The following MEGF11 variants were observed in gnomAD, a reference collection of about 807,000 sequenced individuals.
The protein encoded by MEGF11 is multiple epidermal growth factor-like domains protein 11.
In MEGF11, 126 loss-of-function variants were observed where a neutral mutation model predicts 146.6. The ratio of observed to expected loss-of-function variants is 0.86; its 90% CI spans 0.74 to 1.00. The LOEUF (loss-of-function observed/expected upper bound fraction) is 1.00. MEGF11 is among the 50% of genes least tolerant of loss of function. MEGF11 has a pLI of 0.00. For synonymous variants in MEGF11, 532 were observed against 583.4 expected, an observed-to-expected ratio of 0.91 and a Z score of 1.27; for missense variants, 1,509 against 1,521.2, an observed-to-expected ratio of 0.99 and a Z score of 0.13.
At position 65,919,526 on chromosome 15, in the gene MEGF11, AAC is replaced by A. The variant is rs891379275; in HGVS notation, c.1958-1434_1958-1433del. Reference sequence around the variant, plus strand: ...AACAATGTACATGTCTTGATTAAAAAACACTTTATTGCAAAAAAAAAATGCTG... The same window carrying A: ...AACAATGTACATGTCTTGATTAAAAAACTTTATTGCAAAAAAAAAATGCTG... On this transcript the variant is annotated intron_variant, in intron 15 of 25. Transcript: ENST00000395614. Among the ~76,000 whole-genome samples, 11 of 151,976 alleles carry A rather than the reference AAC, an allele frequency of 7.2e-5. 1 individual carries two copies. The highest frequency in any genetic ancestry group is 6.5e-4 in the Admixed American group (10 of 15,280).
At chr15:66,166,909 G>C (rs1171247238) in intron 1 of MEGF11, among the ~76,000 whole-genome samples, 1 of 152,090 alleles carries the variant, frequency 6.6e-6, no homozygotes, top group Non-Finnish European at 1.5e-5. Context: ...ACAGCTACAG[G>C]GTGGAGAACA....
intron 5 of MEGF11, among the ~76,000 whole-genome samples, chr15:65,985,549 C>CCG (rs1183901810): frequency 1.3e-5 from 2 of 152,274 alleles, no homozygotes; most frequent in East Asian, 3.9e-4. Flanking sequence ...GCAGGGCATA[C>CCG]AGTTATGCTT....
In MEGF11 at chr15:66,062,393, G is replaced by T. The variant is rs555469447; in HGVS notation, c.394+32009C>A. Among the ~76,000 whole-genome samples, 4 of 152,342 alleles carry T rather than the reference G, an allele frequency of 2.6e-5. No individual in the cohort carries two copies. The South Asian group carries it at 8.3e-4, about 32-fold the overall frequency. The stretch of plus-strand genomic sequence containing the variant: ...AGCTAGAAGTTGCCACGTTGTAAAA[G>T]GCCAGTGGAGATGGCCACATGGCAG... On this transcript the variant is annotated intron_variant, in intron 5 of 25. Coordinates refer to ENST00000395614, the MANE Select transcript of MEGF11 (RefSeq NM_001385028.1).
chr15:66,065,784 A>G (rs2085098749), intron 5 of MEGF11, among the ~76,000 whole-genome samples: 1 of 152,162 alleles, frequency 6.6e-6, no homozygotes, highest in South Asian at 2.1e-4. Context: ...GCAAACATCA[A>G]GATCTCCCCT....
chr15:66,251,096 G>A lies in MEGF11; in HGVS notation c.-9+2509C>T, dbSNP rs759642593. On this transcript the variant is annotated intron_variant, in intron 1 of 25. Coordinates refer to ENST00000395614, the MANE Select transcript of MEGF11 (RefSeq NM_001385028.1). ...TAAGTCTAGGCCTAGAAGACCCCTG[G>A]GGCCAGGTTCTGAGCTTGAGCTCTG... 4.0e-4 allele frequency among the ~76,000 whole-genome samples: 61 copies of A among 152,278 alleles called. 1 individual carries two copies. Among genetic ancestry groups the A allele is most frequent in the Middle Eastern group, 3.4e-3 (1 of 294 alleles).
chr15:66,124,688 A>G (rs903254233), intron 2 of MEGF11, among the ~76,000 whole-genome samples: 2 of 152,190 alleles, frequency 1.3e-5, no homozygotes, highest in African/African-American at 2.4e-5. Context: ...TACATTGAGG[A>G]TATGTCCCTG....
chr15:66,043,117 C>T (rs907932446), intron 5 of MEGF11, among the ~76,000 whole-genome samples: 1 of 152,218 alleles, frequency 6.6e-6, no homozygotes, highest in Non-Finnish European at 1.5e-5. Context: ...ATATTATCTT[C>T]TAGAGCTTTC....
chr15:66,053,714 A>ATTTTTTTTTTTTTTT lies in MEGF11; in HGVS notation c.394+40687_394+40688insAAAAAAAAAAAAAAA, dbSNP rs2084549697. 2.8e-4 allele frequency among the ~76,000 whole-genome samples: 12 copies of ATTTTTTTTTTTTTTT among 42,268 alleles called. 5 individuals are homozygous for ATTTTTTTTTTTTTTT. The highest frequency in any genetic ancestry group is 5.2e-4 in the Non-Finnish European group (8 of 15,512). 27.7% of individuals were successfully genotyped at this position (42,268 alleles called of 152,430 possible). A position where few individuals can be genotyped will look rare whatever the true frequency, so the allele number is the denominator to read the frequency against. ...ACTCAGCTCCCCCTCCCCTGGCACCAATTTTTTTTTTTTTTTTTTTTTTTT... is the reference window on the plus strand; with the variant it reads ...ACTCAGCTCCCCCTCCCCTGGCACCATTTTTTTTTTTTTTTATTTTTTTTTTTTTTTTTTTTTTTT... On this transcript the variant is annotated intron_variant, in intron 5 of 25. Coordinates refer to ENST00000395614, the MANE Select transcript of MEGF11 (RefSeq NM_001385028.1).
At chr15:66,192,915 T>C (rs1318496491) in intron 1 of MEGF11, among the ~76,000 whole-genome samples, 1 of 152,232 alleles carries the variant, frequency 6.6e-6, no homozygotes, top group South Asian at 2.1e-4. Context: ...ATTGGCAACA[T>C]GGCAGTGGCA....
chr15:66,040,001 G>A (rs569757800), intron 5 of MEGF11, among the ~76,000 whole-genome samples: 18 of 149,728 alleles, frequency 1.2e-4, no homozygotes, highest in Non-Finnish European at 2.4e-4. Context: ...CGGGTCAGGC[G>A]GCGGTGGGGT....
At chr15:66,008,719 G>T (rs1445906978) in intron 5 of MEGF11, among the ~76,000 whole-genome samples, 1 of 151,944 alleles carries the variant, frequency 6.6e-6, no homozygotes, top group Admixed American at 6.6e-5. Context: ...GGCTACTCAG[G>T]AGGCTGAGGT....
chr15:66,148,002 A>G (rs528310863), intron 1 of MEGF11, among the ~76,000 whole-genome samples: 81 of 152,330 alleles, frequency 5.3e-4, no homozygotes, highest in Non-Finnish European at 1.0e-3. Context: ...CATGGGAGCA[A>G]TATTGGCTGA....
intron 5 of MEGF11, among the ~76,000 whole-genome samples, chr15:66,040,920 T>TC (rs1008377213): frequency 6.6e-6 from 1 of 150,836 alleles, no homozygotes; most frequent in Non-Finnish European, 1.5e-5. Context: ...GGACTTTTTT[T>TC]TTTTTTCCCC....
chr15:65,926,408 A>G (rs1407510737), intron 13 of MEGF11, among the ~76,000 whole-genome samples: 1 of 152,256 alleles, frequency 6.6e-6, no homozygotes, highest in African/African-American at 2.4e-5. Context: ...TAAACATTTA[A>G]TAAGCACATA....
chr15:66,113,679 G>A (rs573817794), intron 4 of MEGF11, among the ~76,000 whole-genome samples: 4 of 152,140 alleles, frequency 2.6e-5, no homozygotes, highest in African/African-American at 2.4e-5. Flanking sequence ...GGATCACGAG[G>A]TCAGGAGATC....
At chr15:65,980,060 G>A (rs953440258) in intron 7 of MEGF11, among the ~76,000 whole-genome samples, 16 of 152,188 alleles carry the variant, frequency 1.1e-4, no homozygotes, top group African/African-American at 3.9e-4. Flanking sequence ...GTGTGTGCAA[G>A]TGCAGGGGGC....
At chr15:66,178,186 A>G (rs1435414753) in intron 1 of MEGF11, among the ~76,000 whole-genome samples, 2 of 151,810 alleles carry the variant, frequency 1.3e-5, no homozygotes, top group Non-Finnish European at 2.9e-5. Flanking sequence ...GAATCTCACG[A>G]TGTTTCCCTG....
At chr15:66,061,228 A>C (rs1232163581) in intron 5 of MEGF11, among the ~76,000 whole-genome samples, 2 of 152,206 alleles carry the variant, frequency 1.3e-5, no homozygotes, top group Admixed American at 1.3e-4. Context: ...AGGACCAGGG[A>C]GAGTGGAGCT....
intron 1 of MEGF11, among the ~76,000 whole-genome samples, chr15:66,233,867 G>T (rs1447213827): frequency 6.6e-6 from 1 of 151,622 alleles, no homozygotes; most frequent in Admixed American, 6.6e-5. Flanking sequence ...GAGTGTCCTT[G>T]CTCTTAAAAA....
Sources: allele counts gnomAD v4.1 joint callset (sites outside exome capture counted in the v4.1 genomes callset), GRCh38; gene constraint gnomAD v4.1.1; transcripts MANE v1.5; gene names NCBI Gene and HGNC (gene_info 2026-07-23, HGNC 2026-07-21).